SNRPD1: variants seen among roughly 807,000 people sequenced by gnomAD.
The protein encoded by SNRPD1 is small nuclear ribonucleoprotein D1 polypeptide.
SNRPD1 carries 1 observed loss-of-function variant against 14.4 expected under a neutral mutation model. The ratio of observed to expected loss-of-function variants is 0.07; its 90% CI spans 0.02 to 0.33. The LOEUF (loss-of-function observed/expected upper bound fraction) is 0.33. Ranked by LOEUF, SNRPD1 falls within the 10% of genes least tolerant of loss-of-function variation. SNRPD1 has a pLI of 1.00. For missense variants in SNRPD1, 52 were observed against 146.4 expected (o/e 0.36, Z 3.33); for synonymous variants, 42 against 50.3 (o/e 0.83, Z 0.70).
At chr18:21,616,539 G>A (rs2146256332) in intron 1 of SNRPD1, among the ~76,000 whole-genome samples, 1 of 150,030 alleles carries the variant, frequency 6.7e-6, no homozygotes, top group South Asian at 2.1e-4. Flanking sequence ...TGTATTTTTA[G>A]TAGAGACAGG....
At chr18:21,622,856 A>G in intron 2 of SNRPD1, 55 bp downstream of exon 2, 1 of 853,030 alleles carries the variant, frequency 1.2e-6, no homozygotes, top group South Asian at 1.5e-5. Context: ...TTACCTAGCC[A>G]GAGTTTATTT....
chr18:21,627,031 G>C (rs1017667682), intron 3 of SNRPD1, among the ~76,000 whole-genome samples: 4 of 149,834 alleles, frequency 2.7e-5, no homozygotes, highest in Non-Finnish European at 5.9e-5. Flanking sequence ...GCTCACGCCT[G>C]TAACCCCAGC....
In SNRPD1 at chr18:21,612,452, G is replaced by C; in HGVS notation, c.14+9G>C. On this transcript the variant is annotated intron_variant, in intron 1 of 3. Coordinates refer to ENST00000300413, the MANE Select transcript of SNRPD1 (RefSeq NM_006938.4). Reference sequence around the variant, plus strand: ...AGGATGAAGCTCGTGAGGTGAGGGAGTGACCAAGCAGCTCTGGGGGCTGTG... The same window carrying C: ...AGGATGAAGCTCGTGAGGTGAGGGACTGACCAAGCAGCTCTGGGGGCTGTG... 1 of 1,542,092 alleles carries C rather than the reference G, an allele frequency of 6.5e-7. No homozygotes were observed. Among genetic ancestry groups the C allele is most frequent in the Non-Finnish European group, 8.8e-7 (1 of 1,135,316 alleles).
intron 1 of SNRPD1, among the ~76,000 whole-genome samples, chr18:21,621,577 A>T (rs1280845135): frequency 6.7e-6 from 1 of 149,312 alleles, no homozygotes. Context: ...ATTTATTTTT[A>T]TTTTTTTTTA....
chr18:21,612,588 C>T, intron 1 of SNRPD1, 145 bp downstream of exon 1: 1 of 565,784 alleles, frequency 1.8e-6, no homozygotes, highest in Non-Finnish European at 3.1e-6. Flanking sequence ...GCCCGCAGCT[C>T]GTGCTCGGGC....
chr18:21,612,348 G>T lies in SNRPD1; in HGVS notation c.-82G>T. On this transcript the variant is annotated 5_prime_UTR_variant, in exon 1 of 4. Coordinates refer to ENST00000300413, the MANE Select transcript of SNRPD1 (RefSeq NM_006938.4). ...CGGAGCCCCTGGAGTAGGCGCTTCC[G>T]GCCATTCATACTGCAGTCGGTCAGT... 1 of 1,112,586 alleles carries T rather than the reference G, an allele frequency of 9.0e-7. No individual in the cohort carries two copies. Among genetic ancestry groups the T allele is most frequent in the Non-Finnish European group, 1.3e-6 (1 of 793,652 alleles). 68.9% of individuals were successfully genotyped at this position (1,112,586 alleles called of 1,614,324 possible). A position where few individuals can be genotyped will look rare whatever the true frequency, so the allele number is the denominator to read the frequency against.
rs756099829 is a variant in SNRPD1, at chr18:21,612,424, G to T, written c.-6G>T. On this transcript the variant is annotated 5_prime_UTR_variant, in exon 1 of 4. Transcript: ENST00000300413. Reference sequence around the variant, plus strand: ...GTCGGACCCAGAGGGTGACGGCGCCGCTAGGATGAAGCTCGTGAGGTGAGG... The same window carrying T: ...GTCGGACCCAGAGGGTGACGGCGCCTCTAGGATGAAGCTCGTGAGGTGAGG... 6.4e-7 allele frequency: 1 copy of T among 1,554,246 alleles called. No individual in the cohort carries two copies. The highest frequency in any genetic ancestry group is 8.8e-7 in the Non-Finnish European group (1 of 1,142,736).
intron 1 of SNRPD1, 47 bp downstream of exon 1, chr18:21,612,490 G>C: frequency 7.1e-7 from 1 of 1,408,552 alleles, no homozygotes. Context: ...GGGAGGGCTT[G>C]GCCCGGAGTC....
intron 3 of SNRPD1, among the ~76,000 whole-genome samples, chr18:21,626,202 G>A (rs569424052): frequency 2.6e-4 from 39 of 151,426 alleles, no homozygotes; most frequent in African/African-American, 8.7e-4. Context: ...AGACCAGCCC[G>A]GGCAACATGG....
intron 1 of SNRPD1, among the ~76,000 whole-genome samples, chr18:21,618,363 T>G (rs1443931742): frequency 6.6e-6 from 1 of 151,738 alleles, no homozygotes; most frequent in Non-Finnish European, 1.5e-5. Context: ...AAAAAAAACC[T>G]CTGTATATCT....
chr18:21,625,178 G>T (rs2039027278), intron 3 of SNRPD1, among the ~76,000 whole-genome samples: 1 of 151,666 alleles, frequency 6.6e-6, no homozygotes, highest in African/African-American at 2.4e-5. Context: ...ACCTGTCGGG[G>T]AATTGATGAT....
rs762884750 is a variant in SNRPD1, at chr18:21,623,702, T to C, written c.92-46T>C. Reference sequence around the variant, plus strand: ...TGGCTCAGTAGATTAATTAGTTGCCTTAACTTGTATCATACTAATAACTGC... The same window carrying C: ...TGGCTCAGTAGATTAATTAGTTGCCCTAACTTGTATCATACTAATAACTGC... On this transcript the variant is annotated intron_variant, in intron 2 of 3. Coordinates refer to ENST00000300413, the MANE Select transcript of SNRPD1 (RefSeq NM_006938.4). 7.2e-6 allele frequency: 10 copies of C among 1,397,010 alleles called. No individual in the cohort carries two copies. The East Asian group carries it at 2.3e-4, about 32-fold the overall frequency. The allele number at this position is 1,397,010 out of a possible 1,614,324, so 86.5% of individuals were successfully genotyped here.
chr18:21,612,901 CTT>C (rs1384824849), intron 1 of SNRPD1, among the ~76,000 whole-genome samples: 1 of 152,180 alleles, frequency 6.6e-6, no homozygotes, highest in East Asian at 1.9e-4. Flanking sequence ...TGGTGTCTCA[CTT>C]TGTTGACCAG....
chr18:21,625,815 T>G (rs1204782678), intron 3 of SNRPD1, among the ~76,000 whole-genome samples: 1 of 152,054 alleles, frequency 6.6e-6, no homozygotes, highest in East Asian at 1.9e-4. Flanking sequence ...TTTCACCGTG[T>G]TAGCCAAGCG....
rs144395165 is a variant in SNRPD1 at position 21,625,316 on chromosome 18, A to ATTTTTTTTTTTTTTTTTTT, written c.283+1394_283+1395insTTTTTTTTTTTTTTTTTTT. On this transcript the variant is annotated intron_variant, in intron 3 of 3. Transcript: ENST00000300413. ...TCTATTTAAAATTTTGTTGAAAAAA[A>ATTTTTTTTTTTTTTTTTTT]TTTTTTTTTTTTTTTTTGAGATGGA... is the stretch of plus-strand genomic sequence containing the variant. Among the ~76,000 whole-genome samples, 39 of 109,096 alleles carry ATTTTTTTTTTTTTTTTTTT rather than the reference A, an allele frequency of 3.6e-4. 2 individuals carry two copies. The highest frequency in any genetic ancestry group is 1.6e-3 in the East Asian group (6 of 3,654). The allele number at this position is 109,096 out of a possible 152,430, so 71.6% of individuals were successfully genotyped here. A position where few individuals can be genotyped will look rare whatever the true frequency, so the allele number is the denominator to read the frequency against.
intron 1 of SNRPD1, among the ~76,000 whole-genome samples, chr18:21,616,472 C>T (rs552762987): frequency 1.6e-4 from 24 of 152,100 alleles, no homozygotes; most frequent in African/African-American, 5.8e-4. Context: ...ATTCTCCTAC[C>T]TCAGCCTCCC....
chr18:21,615,214 G>T (rs150620907), intron 1 of SNRPD1, among the ~76,000 whole-genome samples: 1 of 152,142 alleles, frequency 6.6e-6, no homozygotes, highest in African/African-American at 2.4e-5. Flanking sequence ...GTATTTTTGC[G>T]TAAAACTTCT....
In SNRPD1 at chr18:21,612,429, G is replaced by A. The variant is rs2038925359; in HGVS notation, c.-1G>A. The A allele has an allele frequency of 6.4e-7, 1 of 1,559,822 alleles. No homozygotes were observed. Among genetic ancestry groups the A allele is most frequent in the East Asian group, 2.4e-5 (1 of 41,334 alleles). On this transcript the variant is annotated 5_prime_UTR_variant, in exon 1 of 4. Coordinates refer to ENST00000300413, the MANE Select transcript of SNRPD1 (RefSeq NM_006938.4). Reference sequence around the variant, plus strand: ...ACCCAGAGGGTGACGGCGCCGCTAGGATGAAGCTCGTGAGGTGAGGGAGTG... The same window carrying A: ...ACCCAGAGGGTGACGGCGCCGCTAGAATGAAGCTCGTGAGGTGAGGGAGTG...
intron 1 of SNRPD1, among the ~76,000 whole-genome samples, chr18:21,622,428 C>G (rs1017880109): frequency 6.6e-6 from 1 of 152,170 alleles, no homozygotes; most frequent in Non-Finnish European, 1.5e-5. Context: ...GCGTGAGCCA[C>G]CACGCCTGGC....
Sources: gnomAD v4.1 joint callset for allele counts (sites outside exome capture counted in the v4.1 genomes callset) on GRCh38, gnomAD v4.1.1 for gene constraint, MANE v1.5 for transcripts, NCBI Gene and HGNC (gene_info 2026-07-23, HGNC 2026-07-21) for gene names.